Variants in NR2E3 observed in about 807,000 individuals in gnomAD.
The protein encoded by NR2E3 is nuclear receptor subfamily 2 group E member 3.
In NR2E3, 38 loss-of-function variants were observed where a neutral mutation model predicts 37.6. The ratio of observed to expected loss-of-function variants is 1.01; its 90% CI spans 0.78 to 1.33. The LOEUF (loss-of-function observed/expected upper bound fraction) is 1.33. Among genes scored for constraint, NR2E3 ranks in the 40% most tolerant of loss-of-function variants. The pLI, the probability that NR2E3 is intolerant of heterozygous loss-of-function variation, is 0.00. For missense variants in NR2E3, 562 were observed against 558.7 expected (o/e 1.01, Z -0.06); for synonymous variants, 235 against 225.1 (o/e 1.04, Z -0.39).
chr15:71,812,263 C>T, intron 4 of NR2E3, 73 bp from the exon 5 acceptor site: 1 of 1,610,222 alleles, frequency 6.2e-7, no homozygotes, highest in South Asian at 1.1e-5. Context: ...ATCCTCCCTC[C>T]CCCGGGGCTC....
At position 71,812,469 on chromosome 15, in the gene NR2E3, C is replaced by T. The variant is rs2054193173; in HGVS notation, c.705C>T (p.Ala235=). The T allele has an allele frequency of 6.2e-7, 1 of 1,613,732 alleles. No individual in the cohort carries two copies. The highest frequency in any genetic ancestry group is 8.5e-7 in the Non-Finnish European group (1 of 1,179,694). Residue 235 remains alanine, a synonymous_variant, in exon 5 of 8, where the codon GCC becomes GCT. Transcript: ENST00000617575. ...ARLLFMAVKW[A]KNLPVFSSLP... ...TACTCTTCATGGCCGTCAAGTGGGC[C>T]AAGAACCTGCCTGTGTTCTCCAGCC...
chr15:71,815,026 T>C, intron 7 of NR2E3: 1 of 483,666 alleles, frequency 2.1e-6, no homozygotes, highest in Non-Finnish European at 2.7e-6. Context: ...CTGAGCATCC[T>C]GTAGAGATGC....
At chr15:71,814,824 A>T in intron 7 of NR2E3, 1 of 985,600 alleles carries the variant, frequency 1.0e-6, no homozygotes, top group Non-Finnish European at 1.2e-6. Flanking sequence ...TGGAGTTCTG[A>T]TCTTTGGGCA....
Position 71,817,552 on chromosome 15 carries a change from G to A in NR2E3, c.1101G>A (p.Arg367=). 6.3e-7 allele frequency: 1 copy of A among 1,592,514 alleles called. No individual in the cohort carries two copies. The highest frequency in any genetic ancestry group is 8.6e-7 in the Non-Finnish European group (1 of 1,162,958). The change falls in exon 8 of 8, where the codon AGG becomes AGA. Residue 367 remains arginine, a splice_region_variant and synonymous_variant. Coordinates refer to ENST00000617575, the MANE Select transcript of NR2E3 (RefSeq NM_014249.4). The stretch of plus-strand genomic sequence containing the variant: ...TGATGGCGTCCTCTCTCCTGTTCAG[G>A]TTTGGGAAATTGCTCCTGCTCCTCC... The part of the protein sequence containing the change: ...SKAHHPSQPV[R]FGKLLLLLPS...
chr15:71,817,726 A>G lies in NR2E3; in HGVS notation c.*42A>G, dbSNP rs776158082. Reference sequence around the variant, plus strand: ...ATGTTTCCAAGCACTCTGGAAAACAATCTACTGAAACGAAACATTTGCCTA... The same window carrying G: ...ATGTTTCCAAGCACTCTGGAAAACAGTCTACTGAAACGAAACATTTGCCTA... On this transcript the variant is annotated 3_prime_UTR_variant, in exon 8 of 8. Coordinates refer to ENST00000617575, the MANE Select transcript of NR2E3 (RefSeq NM_014249.4). 10 of 1,548,592 alleles carry G rather than the reference A, an allele frequency of 6.5e-6. No individual in the cohort carries two copies. The highest frequency in any genetic ancestry group is 1.8e-6 in the Non-Finnish European group (2 of 1,133,394).
Position 71,814,382 on chromosome 15 carries a change from G to A in NR2E3, c.1100+265G>A, listed in dbSNP as rs1595957696. The A allele has an allele frequency of 6.5e-6, 8 of 1,238,148 alleles. No individual in the cohort carries two copies. In the East Asian group the frequency reaches 2.4e-4, roughly 37 times the overall value. 76.7% of individuals were successfully genotyped at this position (1,238,148 alleles called of 1,614,324 possible). On this transcript the variant is annotated intron_variant, in intron 7 of 7. Transcript: ENST00000617575. ...AAACTGCCCTAGCCAGGTACTGAGG[G>A]TTGCATGAATCTGCAGGAGACAGAG... is the stretch of plus-strand genomic sequence containing the variant.
chr15:71,811,370 T>C lies in NR2E3; in HGVS notation c.119-113T>C. 2 of 983,552 alleles carry C rather than the reference T, an allele frequency of 2.0e-6. No homozygotes were observed. Among genetic ancestry groups the C allele is most frequent in the Non-Finnish European group, 3.0e-6 (2 of 666,548 alleles). 60.9% of individuals were successfully genotyped at this position (983,552 alleles called of 1,614,324 possible). A position where few individuals can be genotyped will look rare whatever the true frequency, so the allele number is the denominator to read the frequency against. ...AGAGTCACGCGTGGGTTCGTTCAAA[T>C]GCGGGTGAGCGGGGCCTGAGGACTG... On this transcript the variant is annotated intron_variant, in intron 1 of 7. Transcript: ENST00000617575. This position sits in a 1 kb window ranked among gnomAD's most constrained non-coding sequence, Gnocchi z 5.6.
At position 71,812,500 on chromosome 15, in the gene NR2E3, T is replaced by C; in HGVS notation, c.736T>C (p.Phe246Leu). 1 of 1,610,762 alleles carries C rather than the reference T, an allele frequency of 6.2e-7. No individual in the cohort carries two copies. Residue 246 changes from phenylalanine to leucine, a missense_variant, in exon 5 of 8, where the codon TTC becomes CTC. Coordinates refer to ENST00000617575, the MANE Select transcript of NR2E3 (RefSeq NM_014249.4). ...KNLPVFSSLP[F>L]RDQVILLEEA... ...CCTGCCTGTGTTCTCCAGCCTGCCCTTCCGGGATCAGGTACCTACCGGCCT... is the reference window on the plus strand; with the variant it reads ...CCTGCCTGTGTTCTCCAGCCTGCCCCTCCGGGATCAGGTACCTACCGGCCT...
intron 5 of NR2E3, 38 bp downstream of exon 5, chr15:71,812,549 C>A: frequency 6.4e-7 from 1 of 1,558,980 alleles, no homozygotes; most frequent in Non-Finnish European, 8.7e-7. Context: ...CTAGGCTGGG[C>A]TGGGGTCAGG....
In NR2E3 at chr15:71,811,071, C is replaced by T. The variant is rs1045610729; in HGVS notation, c.118+210C>T. 6.6e-6 allele frequency among the ~76,000 whole-genome samples: 1 copy of T among 152,020 alleles called. No homozygotes were observed. Among genetic ancestry groups the T allele is most frequent in the African/African-American group, 2.4e-5 (1 of 41,396 alleles). ...GGTTGGGGGCGGGCAGGCTGCAGAG[C>T]CAGGACAGGACAGCCTAGCCGATGG... is the stretch of plus-strand genomic sequence containing the variant. On this transcript the variant is annotated intron_variant, in intron 1 of 7. Coordinates refer to ENST00000617575, the MANE Select transcript of NR2E3 (RefSeq NM_014249.4). The surrounding 1 kb of genome is among the most constrained non-coding windows in gnomAD (Gnocchi z 5.6).
chr15:71,816,330 G>A (rs1235164479), intron 7 of NR2E3, among the ~76,000 whole-genome samples: 3 of 147,700 alleles, frequency 2.0e-5, no homozygotes, highest in Admixed American at 6.8e-5. Context: ...GCGTGATCTC[G>A]GTTCACTGCA....
intron 7 of NR2E3, chr15:71,814,553 C>T (rs1567161176): frequency 1.0e-6 from 1 of 971,798 alleles, no homozygotes. Context: ...GAACAGGAGC[C>T]CACTTTGAAG....
intron 5 of NR2E3, 33 bp downstream of exon 5, chr15:71,812,544 C>G: frequency 6.4e-7 from 1 of 1,570,576 alleles, no homozygotes; most frequent in Non-Finnish European, 8.6e-7. Context: ...GGGAGCTAGG[C>G]TGGGCTGGGG....
At position 71,813,893 on chromosome 15, in the gene NR2E3, G is replaced by T. The variant is rs185344524; in HGVS notation, c.995-119G>T. ...TGGTGGCTCCTCTGGGCCTGGCAGA[G>T]CCCACCCCACAGGGCCCCAGGTCCA... On this transcript the variant is annotated intron_variant, in intron 6 of 7. Transcript: ENST00000617575. This position sits in a 1 kb window ranked among gnomAD's most constrained non-coding sequence, Gnocchi z 4.7. The T allele has an allele frequency of 1.6e-3, 2,406 of 1,532,694 alleles. 25 individuals are homozygous for T. In the African/African-American group the frequency reaches 0.028, roughly 18 times the overall value. 94.9% of individuals were successfully genotyped at this position (1,532,694 alleles called of 1,614,324 possible). A position where few individuals can be genotyped will look rare whatever the true frequency, so the allele number is the denominator to read the frequency against.
In NR2E3 at chr15:71,811,956, C is replaced by G. The variant is rs572488420; in HGVS notation, c.351C>G (p.Ala117=). 6.5e-7 allele frequency: 1 copy of G among 1,550,032 alleles called. No individual in the cohort carries two copies. The highest frequency in any genetic ancestry group is 8.7e-7 in the Non-Finnish European group (1 of 1,146,688). Residue 117 remains alanine, a splice_region_variant and synonymous_variant, in exon 4 of 8, where the codon GCC becomes GCG. Coordinates refer to ENST00000617575, the MANE Select transcript of NR2E3 (RefSeq NM_014249.4). This position sits in a 1 kb window ranked among gnomAD's most constrained non-coding sequence, Gnocchi z 5.6. ...KCLQAGMNQD[A]VQNERQPRST... The stretch of plus-strand genomic sequence containing the variant: ...TCCTGACCCTTCCTGCCTCCCCAGC[C>G]GTGCAGAACGAGCGCCAGCCGCGAA...
chr15:71,811,876 C>T lies in NR2E3; in HGVS notation c.349+7C>T, dbSNP rs900547. 737 of 1,550,618 alleles carry T rather than the reference C, an allele frequency of 4.8e-4. 4 individuals carry two copies. The African/African-American group carries it at 8.2e-3, about 17-fold the overall frequency. ...GCGGGGATGAACCAGGACGGTGAGG[C>T]GGGGGCTGGCCCGGGGGGAGGTGAC... On this transcript the variant is annotated splice_region_variant and intron_variant, in intron 3 of 7. Transcript: ENST00000617575. This position sits in a 1 kb window ranked among gnomAD's most constrained non-coding sequence, Gnocchi z 5.6.
intron 7 of NR2E3, among the ~76,000 whole-genome samples, chr15:71,816,649 G>A (rs2054228647): frequency 6.6e-6 from 1 of 152,096 alleles, no homozygotes; most frequent in African/African-American, 2.4e-5. Flanking sequence ...GACATTTTCA[G>A]TAATGGCTAT....
In NR2E3 at chr15:71,817,719, G is replaced by A. The variant is rs1161195390; in HGVS notation, c.*35G>A. 1 of 1,562,028 alleles carries A rather than the reference G, an allele frequency of 6.4e-7. No individual in the cohort carries two copies. The highest frequency in any genetic ancestry group is 8.8e-7 in the Non-Finnish European group (1 of 1,141,776). ...AGGTGAAATGTTTCCAAGCACTCTG[G>A]AAAACAATCTACTGAAACGAAACAT... On this transcript the variant is annotated 3_prime_UTR_variant, in exon 8 of 8. Transcript: ENST00000617575.
At position 71,814,113 on chromosome 15, in the gene NR2E3, G is replaced by A. The variant is rs150971548; in HGVS notation, c.1096G>A (p.Val366Met). The A allele has an allele frequency of 7.9e-5, 127 of 1,610,036 alleles. 1 individual carries two copies. The South Asian group carries it at 7.9e-4, about 10-fold the overall frequency. Residue 366 changes from valine to methionine, a missense_variant, in exon 7 of 8, where the codon GTG becomes ATG. Coordinates refer to ENST00000617575, the MANE Select transcript of NR2E3 (RefSeq NM_014249.4). ...HSKAHHPSQP[V>M]RFGKLLLLLP... ...CAAGGCCCACCACCCCAGCCAGCCC[G>A]TGAGGTGACCTGAGCATGCGCCCAC...
Sources: allele counts gnomAD v4.1 joint callset (sites outside exome capture counted in the v4.1 genomes callset), GRCh38; gene constraint gnomAD v4.1.1; non-coding constraint Gnocchi (gnomAD v3.1); transcripts MANE v1.5; gene names NCBI Gene and HGNC (gene_info 2026-07-23, HGNC 2026-07-21).